Variants in L3HYPDH observed in about 807,000 individuals in gnomAD.
L3HYPDH encodes the protein trans-3-hydroxy-L-proline dehydratase.
In L3HYPDH, 32 loss-of-function variants were observed where a neutral mutation model predicts 26.5. That is an observed-to-expected ratio of 1.21 (90% confidence interval 0.91 to 1.62). L3HYPDH has a LOEUF of 1.62. Among genes scored for constraint, L3HYPDH ranks in the 40% most tolerant of loss-of-function variants. The pLI is 0.00. For synonymous variants in L3HYPDH, 215 were observed against 196.6 expected (o/e 1.09, Z -0.78); for missense variants, 554 against 476.4 (o/e 1.16, Z -1.52).
the L3HYPDH span, among the ~76,000 whole-genome samples, chr14:59,498,186 C>T: frequency 1.3e-5 from 2 of 152,138 alleles, no homozygotes; most frequent in South Asian, 2.1e-4. Flanking sequence ...CATGTGTATG[C>T]ATTTTAAGGA....
downstream of L3HYPDH, among the ~76,000 whole-genome samples, chr14:59,471,790 A>G (rs938862395): frequency 2.6e-5 from 4 of 152,226 alleles, no homozygotes; most frequent in Non-Finnish European, 5.9e-5. Context: ...TTTAAAAAGT[A>G]TAGCAAATCT....
intron 2 of L3HYPDH, 83 bp from the exon 3 acceptor site, chr14:59,476,297 C>A: frequency 9.6e-7 from 1 of 1,042,474 alleles, no homozygotes; most frequent in Non-Finnish European, 1.4e-6. Context: ...CATTCTTAGA[C>A]ATAACTTTTT....
chr14:59,503,164 G>A, the L3HYPDH span, among the ~76,000 whole-genome samples: 9,448 of 152,140 alleles, frequency 0.062, 388 homozygotes, highest in Middle Eastern at 0.11. Flanking sequence ...ACATACTTCA[G>A]TTAGCATGAA....
intron 1 of L3HYPDH, among the ~76,000 whole-genome samples, chr14:59,480,285 T>C (rs913602189): frequency 6.6e-6 from 1 of 152,172 alleles, no homozygotes. Context: ...AGGTCCTTAG[T>C]GCAGAGAGGA....
the L3HYPDH span, among the ~76,000 whole-genome samples, chr14:59,492,945 C>CT: frequency 2.6e-5 from 4 of 151,856 alleles, no homozygotes; most frequent in African/African-American, 7.3e-5. Context: ...CTACAGGCGC[C>CT]TGCCACCACG....
chr14:59,502,713 A>C, the L3HYPDH span, among the ~76,000 whole-genome samples: 1 of 145,514 alleles, frequency 6.9e-6, no homozygotes, highest in African/African-American at 2.5e-5. Context: ...TTTGAGGGAG[A>C]AAATAGTTGG....
chr14:59,494,121 G>GGTGTGTGTGTGTGTGTGTGTGT, the L3HYPDH span, among the ~76,000 whole-genome samples: 1 of 150,964 alleles, frequency 6.6e-6, no homozygotes, highest in African/African-American at 2.4e-5. Flanking sequence ...AGAAAATTTG[G>GGTGTGTGTGTGTGTGTGTGTGT]GTGTGTGTGT....
the L3HYPDH span, among the ~76,000 whole-genome samples, chr14:59,499,511 A>AT: frequency 6.6e-6 from 1 of 152,210 alleles, no homozygotes; most frequent in Non-Finnish European, 1.5e-5. Context: ...TTTGTTTAGT[A>AT]ACCATTTAGA....
intron 2 of L3HYPDH, among the ~76,000 whole-genome samples, chr14:59,476,653 A>G (rs558277462): frequency 2.4e-4 from 36 of 152,336 alleles, no homozygotes; most frequent in African/African-American, 8.7e-4. Context: ...CTGAGTATCT[A>G]GAGCTGAAGT....
At chr14:59,471,219 G>T (rs895066132), downstream of L3HYPDH, among the ~76,000 whole-genome samples, 2 of 152,112 alleles carry the variant, frequency 1.3e-5, no homozygotes, top group Admixed American at 6.5e-5. Flanking sequence ...TTGAAATTTA[G>T]GAAGACTTAG....
upstream of L3HYPDH, chr14:59,486,031 T>C (rs1476959631): frequency 6.6e-6 from 1 of 152,190 alleles, no homozygotes; most frequent in Non-Finnish European, 1.5e-5. Flanking sequence ...TCTTAGTTGT[T>C]GGGGTTTTTT....
In L3HYPDH at chr14:59,473,188, G is replaced by C. The variant is rs945624282; in HGVS notation, c.940-98C>G. 2.6e-6 allele frequency: 3 copies of C among 1,174,428 alleles called. No individual in the cohort carries two copies. In the African/African-American group the frequency reaches 4.8e-5, roughly 19 times the overall value. 72.8% of individuals were successfully genotyped at this position (1,174,428 alleles called of 1,614,324 possible). ...TTGACTTTTATCATGTGAAGGAAAG[G>C]CCAAGGGTTAATCCTATGGGCCAGG... On this transcript the variant is annotated intron_variant, in intron 4 of 4. Transcript: ENST00000247194.
chr14:59,490,960 C>T, the L3HYPDH span, among the ~76,000 whole-genome samples: 55 of 152,122 alleles, frequency 3.6e-4, no homozygotes, highest in Admixed American at 1.0e-3. Flanking sequence ...TGAGGGAAGG[C>T]GAGGAGTGAC....
chr14:59,499,015 CTTTTTTTTTT>C, the L3HYPDH span: 1,795 of 126,874 alleles, frequency 0.014, 6 homozygotes, highest in Middle Eastern at 0.048. Context: ...TTGTTTAATC[CTTTTTTTTTT>C]TTTTTTTTTT....
the L3HYPDH span, among the ~76,000 whole-genome samples, chr14:59,500,515 T>C: frequency 6.6e-6 from 1 of 152,224 alleles, no homozygotes; most frequent in African/African-American, 2.4e-5. Flanking sequence ...AAGTAGAGAT[T>C]GCAGGAATTT....
At chr14:59,487,726 C>T (rs1293054904), upstream of L3HYPDH, 1 of 1,613,216 alleles carries the variant, frequency 6.2e-7, no homozygotes. Context: ...CAGCCTTGCA[C>T]AGAATCTCCT....
At chr14:59,466,628 T>G (rs1057362757) in intron 1 of L3HYPDH, among the ~76,000 whole-genome samples, 2 of 152,208 alleles carry the variant, frequency 1.3e-5, no homozygotes, top group East Asian at 3.8e-4. Context: ...GAATGACTAG[T>G]ATATTTGTAG....
Position 59,484,398 on chromosome 14 carries a change from G to T in L3HYPDH, c.-82C>A. On this transcript the variant is annotated 5_prime_UTR_variant, in exon 1 of 5. Transcript: ENST00000247194. Reference sequence around the variant, plus strand: ...TCACCCACTGACTCCGCGGGAGGAGGGCGGGACGCTAACCAGCCACGTCCG... The same window carrying T: ...TCACCCACTGACTCCGCGGGAGGAGTGCGGGACGCTAACCAGCCACGTCCG... 6.9e-7 allele frequency: 1 copy of T among 1,454,690 alleles called. No individual in the cohort carries two copies. 90.1% of individuals were successfully genotyped at this position (1,454,690 alleles called of 1,614,324 possible). A position where few individuals can be genotyped will look rare whatever the true frequency, so the allele number is the denominator to read the frequency against.
chr14:59,489,616 A>G, the L3HYPDH span, among the ~76,000 whole-genome samples: 2 of 152,226 alleles, frequency 1.3e-5, no homozygotes, highest in Non-Finnish European at 2.9e-5. Flanking sequence ...GGGTATCTTT[A>G]TAGCACTGCC....
Sources: gnomAD v4.1 joint callset for allele counts (sites outside exome capture counted in the v4.1 genomes callset) on GRCh38, gnomAD v4.1.1 for gene constraint, MANE v1.5 for transcripts, NCBI Gene and HGNC (gene_info 2026-07-23, HGNC 2026-07-21) for gene names.